The following RNF180 variants were observed in gnomAD, a reference collection of about 807,000 sequenced individuals.
The protein encoded by RNF180 is ring finger protein 180.
A neutral mutation model predicts 59.2 loss-of-function variants in RNF180; 38 were observed. The observed-to-expected ratio is 0.64, with a 90% CI of 0.50 to 0.84. RNF180 has a LOEUF of 0.84. Ranked by LOEUF, RNF180 falls within the 40% of genes least tolerant of loss-of-function variation. The pLI is 0.00. For missense variants in RNF180, 705 were observed against 700.9 expected, an observed-to-expected ratio of 1.01 and a Z score of -0.07; for synonymous variants, 262 against 240.3, an observed-to-expected ratio of 1.09 and a Z score of -0.84.
chr5:64,169,847 AG>A (rs1749844542), intron 1 of RNF180, among the ~76,000 whole-genome samples: 1 of 152,242 alleles, frequency 6.6e-6, no homozygotes, highest in South Asian at 2.1e-4. Context: ...TCTTCTATAG[AG>A]GCTATTTCGC....
At chr5:64,321,171 A>C (rs537009538) in intron 5 of RNF180, among the ~76,000 whole-genome samples, 3 of 152,338 alleles carry the variant, frequency 2.0e-5, no homozygotes, top group East Asian at 3.9e-4. Flanking sequence ...TGGCCAGGGC[A>C]ATCAGGCAAG....
chr5:64,327,545 C>G (rs941921275), intron 6 of RNF180, among the ~76,000 whole-genome samples: 1 of 152,078 alleles, frequency 6.6e-6, no homozygotes, highest in Non-Finnish European at 1.5e-5. Context: ...ATTTGTCATT[C>G]AGGAGCATAT....
At chr5:64,260,088 T>A (rs909437171) in intron 5 of RNF180, among the ~76,000 whole-genome samples, 1 of 152,244 alleles carries the variant, frequency 6.6e-6, no homozygotes, top group African/African-American at 2.4e-5. Flanking sequence ...CACAAATAAA[T>A]GTACAGATAT....
At chr5:64,192,857 A>T (rs945894451) in intron 1 of RNF180, among the ~76,000 whole-genome samples, 6 of 146,966 alleles carry the variant, frequency 4.1e-5, no homozygotes, top group Non-Finnish European at 9.0e-5. Context: ...GGGGAGAAAA[A>T]ACCAGGTGCC....
intron 5 of RNF180, among the ~76,000 whole-genome samples, chr5:64,319,378 A>G (rs1744227144): frequency 6.6e-6 from 1 of 152,140 alleles, no homozygotes; most frequent in Admixed American, 6.5e-5. Context: ...ACTATACATT[A>G]TACTATTGTG....
chr5:64,351,244 T>G (rs1004092840), intron 7 of RNF180, among the ~76,000 whole-genome samples: 1 of 152,144 alleles, frequency 6.6e-6, no homozygotes, highest in Non-Finnish European at 1.5e-5. Context: ...GTGATTTTTG[T>G]ACGTTGATTA....
At chr5:64,224,193 C>G (rs1683276873) in intron 5 of RNF180, among the ~76,000 whole-genome samples, 1 of 151,580 alleles carries the variant, frequency 6.6e-6, no homozygotes, top group Admixed American at 6.6e-5. Flanking sequence ...GAGGTTTAGA[C>G]TTGAGTTGAT....
intron 5 of RNF180, among the ~76,000 whole-genome samples, chr5:64,228,994 T>C (rs1741952081): frequency 6.8e-6 from 1 of 146,392 alleles, no homozygotes; most frequent in African/African-American, 2.5e-5. Context: ...TGATCTCGGC[T>C]CACTGCAACT....
chr5:64,199,677 A>C (rs1228961125), intron 1 of RNF180, among the ~76,000 whole-genome samples: 1 of 152,252 alleles, frequency 6.6e-6, no homozygotes, highest in Non-Finnish European at 1.5e-5. Context: ...GAATGAACAA[A>C]TGAGGAAATG....
intron 5 of RNF180, among the ~76,000 whole-genome samples, chr5:64,236,897 A>C (rs985694478): frequency 6.6e-6 from 1 of 152,146 alleles, no homozygotes; most frequent in Non-Finnish European, 1.5e-5. Context: ...AAAAGAATTG[A>C]GCTTCGAGAA....
chr5:64,344,352 C>T (rs1241662907), intron 7 of RNF180, among the ~76,000 whole-genome samples: 3 of 151,850 alleles, frequency 2.0e-5, no homozygotes, highest in Non-Finnish European at 2.9e-5. Context: ...AAAAAAGGAA[C>T]ATTTCATGGC....
At chr5:64,231,635 T>C (rs556024483) in intron 5 of RNF180, among the ~76,000 whole-genome samples, 9 of 152,306 alleles carry the variant, frequency 5.9e-5, no homozygotes, top group African/African-American at 2.2e-4. Flanking sequence ...TAATCAGTAA[T>C]AGTTTGGGGA....
intron 5 of RNF180, among the ~76,000 whole-genome samples, chr5:64,257,537 A>C (rs1744050631): frequency 6.6e-6 from 1 of 152,230 alleles, no homozygotes; most frequent in African/African-American, 2.4e-5. Flanking sequence ...CCAGCCTTGC[A>C]TCCCAGGGAT....
chr5:64,240,498 CTAACATGT>C (rs1742745864), intron 5 of RNF180, among the ~76,000 whole-genome samples: 1 of 152,186 alleles, frequency 6.6e-6, no homozygotes, highest in Non-Finnish European at 1.5e-5. Flanking sequence ...GTTAAACATG[CTAACATGT>C]GTACCTGATA....
intron 5 of RNF180, among the ~76,000 whole-genome samples, chr5:64,241,077 G>T (rs1477866008): frequency 1.3e-5 from 2 of 152,040 alleles, no homozygotes; most frequent in African/African-American, 4.8e-5. Context: ...TCATATGTTG[G>T]TCTCTCCCAG....
At chr5:64,352,218 A>G (rs188237047) in intron 7 of RNF180, among the ~76,000 whole-genome samples, 1,991 of 152,090 alleles carry the variant, frequency 0.013, 31 homozygotes, top group Non-Finnish European at 0.02. Flanking sequence ...CTCTGATGGT[A>G]GTTTGTATTT....
Position 64,369,058 on chromosome 5 carries a change from C to T in RNF180, c.1580-557C>T, listed in dbSNP as rs527460843. ...CACAATAGCAAAGACTTGGAACCAA[C>T]CCAAATGTCCAACAATGATAGATTG... On this transcript the variant is annotated intron_variant, in intron 7 of 7. Transcript: ENST00000389100. Among the ~76,000 whole-genome samples, 88 of 152,188 alleles carry T rather than the reference C, an allele frequency of 5.8e-4. No homozygotes were observed. The East Asian group carries it at 0.011, about 19-fold the overall frequency.
upstream of RNF180, among the ~76,000 whole-genome samples, chr5:64,165,366 T>C (rs927589553): frequency 2.0e-5 from 3 of 152,166 alleles, no homozygotes; most frequent in African/African-American, 7.2e-5. Context: ...TCGGTGGAAC[T>C]TTAGGCACAA....
chr5:64,203,450 A>T (rs892579711), intron 2 of RNF180, among the ~76,000 whole-genome samples: 1 of 152,144 alleles, frequency 6.6e-6, no homozygotes, highest in Non-Finnish European at 1.5e-5. Flanking sequence ...TCATTACCCC[A>T]TAAAGTTTCC....
Sources: gnomAD v4.1 joint callset for allele counts (sites outside exome capture counted in the v4.1 genomes callset) on GRCh38, gnomAD v4.1.1 for gene constraint, MANE v1.5 for transcripts, NCBI Gene and HGNC (gene_info 2026-07-23, HGNC 2026-07-21) for gene names.